The following C3orf20 variants were observed in gnomAD, a reference collection of about 807,000 sequenced individuals.
C3orf20 encodes the protein family with sequence similarity 149 member C.
In C3orf20, 76 loss-of-function variants were observed where a neutral mutation model predicts 88.3. That is an observed-to-expected ratio of 0.86 (90% CI 0.72 to 1.04). The LOEUF is 1.04. Ranked by LOEUF, C3orf20 falls within the 50% of genes least tolerant of loss-of-function variation. The pLI is 0.00. For synonymous variants in C3orf20, 436 were observed against 437.4 expected (o/e 1.00, Z 0.04); for missense variants, 1,056 against 1,123.3 (o/e 0.94, Z 0.86).
In C3orf20 at chr3:14,695,275, A is replaced by C. The variant is rs2124917471; in HGVS notation, c.745+5159A>C. Among the ~76,000 whole-genome samples the C allele has an allele frequency of 1.3e-5, 2 of 152,086 alleles. 1 individual carries two copies. Among genetic ancestry groups the C allele is most frequent in the Middle Eastern group, 6.8e-3 (2 of 292 alleles). On this transcript the variant is annotated intron_variant, in intron 5 of 16. Coordinates refer to ENST00000253697, the MANE Select transcript of C3orf20 (RefSeq NM_032137.5). ...TGGTCATTCAGGAGCATATTGTTTAATTTCCATGAATTTATATAGTTTCCA... is the reference window on the plus strand; with the variant it reads ...TGGTCATTCAGGAGCATATTGTTTACTTTCCATGAATTTATATAGTTTCCA...
At chr3:14,695,427 A>G (rs531068471) in intron 5 of C3orf20, among the ~76,000 whole-genome samples, 56 of 152,240 alleles carry the variant, frequency 3.7e-4, no homozygotes, top group Admixed American at 1.0e-3. Context: ...TCTAGCTTTG[A>G]AAATGACCCA....
intron 5 of C3orf20, among the ~76,000 whole-genome samples, chr3:14,693,729 T>G (rs183947463): frequency 6.6e-5 from 10 of 152,342 alleles, no homozygotes; most frequent in African/African-American, 2.4e-4. Flanking sequence ...AGTACTATAT[T>G]GAATAATGGT....
Position 14,772,072 on chromosome 3 carries a change from C to G in C3orf20, c.2501C>G (p.Pro834Arg). The change falls in exon 16 of 17, where the codon CCC becomes CGC. Residue 834 changes from proline (P) to arginine (R), a missense_variant. By Grantham distance (103) the Pro-to-Arg change is moderately radical. Coordinates refer to ENST00000253697, the MANE Select transcript of C3orf20 (RefSeq NM_032137.5). This position sits in a 1 kb window ranked among gnomAD's most constrained non-coding sequence, Gnocchi z 4.2. ...CGACCCTGCCTCCCCTGCAGTGTTC[C>G]CAACTCTGTCCTGAGCCTGGAGGAT... ...FLPDDYKFSVPNSVLSLEDSE... is the reference protein window; with the variant it reads ...FLPDDYKFSVRNSVLSLEDSE... The G allele has an allele frequency of 6.2e-7, 1 of 1,614,210 alleles. No homozygotes were observed. The highest frequency in any genetic ancestry group is 8.5e-7 in the Non-Finnish European group (1 of 1,180,024).
At chr3:14,726,785 A>AG (rs2034363991) in intron 10 of C3orf20, 116 bp from the exon 11 acceptor site, 6 of 1,404,862 alleles carry the variant, frequency 4.3e-6, no homozygotes, top group South Asian at 2.6e-5. Flanking sequence ...AGGTAGGGGT[A>AG]GGGGGGCAGG....
chr3:14,744,819 TGATTCAATTACCTCCCCACTG>T (rs2035015372), intron 12 of C3orf20, among the ~76,000 whole-genome samples: 1 of 152,136 alleles, frequency 6.6e-6, no homozygotes, highest in Admixed American at 6.5e-5. Context: ...CCAGCCCACG[TGATTCAATTACCTCCCCACTG>T]GGTCCCTCCC....
chr3:14,693,671 A>T (rs988210582), intron 5 of C3orf20, among the ~76,000 whole-genome samples: 1 of 152,122 alleles, frequency 6.6e-6, no homozygotes, highest in African/African-American at 2.4e-5. Flanking sequence ...TCCAATTTGG[A>T]TGCCCTTTAT....
In C3orf20 at chr3:14,751,912, T is replaced by A. The variant is rs1433948273; in HGVS notation, c.1941-5459T>A. Among the ~76,000 whole-genome samples, 16 of 152,324 alleles carry A rather than the reference T, an allele frequency of 1.1e-4. No homozygotes were observed. In the East Asian group the frequency reaches 2.9e-3, roughly 28 times the overall value. On this transcript the variant is annotated intron_variant, in intron 12 of 16. Coordinates refer to ENST00000253697, the MANE Select transcript of C3orf20 (RefSeq NM_032137.5). Reference sequence around the variant, plus strand: ...GTGAAAATGGCCATACTACCCAAGATAATTTATACATTCAATGCTATCCCC... The same window carrying A: ...GTGAAAATGGCCATACTACCCAAGAAAATTTATACATTCAATGCTATCCCC...
At chr3:14,690,445 G>T (rs540639391) in intron 5 of C3orf20, among the ~76,000 whole-genome samples, 20 of 152,282 alleles carry the variant, frequency 1.3e-4, no homozygotes, top group African/African-American at 4.8e-4. Flanking sequence ...CCAAACTCAC[G>T]CCTCTGCTCA....
intron 14 of C3orf20, 28 bp downstream of exon 14, chr3:14,760,026 T>G (rs761398209): frequency 6.5e-7 from 1 of 1,542,636 alleles, no homozygotes; most frequent in Non-Finnish European, 9.0e-7. Context: ...TGCTATCCAC[T>G]GCCTGCCACC....
rs1446308227 is a variant in C3orf20, at chr3:14,681,300, G to A, written c.-298-870G>A. ...CAGGCCATCCTGGAATGGCGAACTT[G>A]GGGTGGCTCCAGAGGGTTTGAAAAG... On this transcript the variant is annotated intron_variant, in intron 1 of 16. Coordinates refer to ENST00000253697, the MANE Select transcript of C3orf20 (RefSeq NM_032137.5). Among the ~76,000 whole-genome samples the A allele has an allele frequency of 2.6e-5, 4 of 152,234 alleles. No individual in the cohort carries two copies. The South Asian group carries it at 6.2e-4, about 24-fold the overall frequency.
chr3:14,721,695 A>T lies in C3orf20; in HGVS notation c.1477A>T (p.Ile493Phe). 6.2e-7 allele frequency: 1 copy of T among 1,614,206 alleles called. No individual in the cohort carries two copies. The highest frequency in any genetic ancestry group is 8.5e-7 in the Non-Finnish European group (1 of 1,180,012). The change falls in exon 10 of 17, where the codon ATC becomes TTC. Residue 493 changes from isoleucine to phenylalanine, a missense_variant. Coordinates refer to ENST00000253697, the MANE Select transcript of C3orf20 (RefSeq NM_032137.5). ...ACTAAAGGTACTGGGACAGGACTCC[A>T]TCACAGTCACCTTCACCTCCCTGAA... ...MKLKVLGQDS[I>F]TVTFTSLNET...
At chr3:14,688,708 C>G (rs923074282) in intron 4 of C3orf20, among the ~76,000 whole-genome samples, 50 of 151,818 alleles carry the variant, frequency 3.3e-4, no homozygotes, top group African/African-American at 1.2e-3. Flanking sequence ...AATAAAAATG[C>G]AAAAAAGAGG....
In C3orf20 at chr3:14,768,728, G is replaced by A. The variant is rs2035786876; in HGVS notation, c.2496-3339G>A. 6.6e-6 allele frequency among the ~76,000 whole-genome samples: 1 copy of A among 151,992 alleles called. No homozygotes were observed. Among genetic ancestry groups the A allele is most frequent in the African/African-American group, 2.4e-5 (1 of 41,310 alleles). ...TAGACCAGGGGCTCAGAAATAGTGG[G>A]CTAGCCGCAATACCATGGGGAGGTG... On this transcript the variant is annotated intron_variant, in intron 15 of 16. Coordinates refer to ENST00000253697, the MANE Select transcript of C3orf20 (RefSeq NM_032137.5). This position sits in a 1 kb window ranked among gnomAD's most constrained non-coding sequence, Gnocchi z 4.1.
intron 12 of C3orf20, among the ~76,000 whole-genome samples, chr3:14,735,143 A>G (rs952280186): frequency 6.6e-6 from 1 of 151,542 alleles, no homozygotes; most frequent in Non-Finnish European, 1.5e-5. Context: ...CAGTCTTTCA[A>G]TCTTTGTCTT....
intron 12 of C3orf20, among the ~76,000 whole-genome samples, chr3:14,753,127 G>A (rs554878390): frequency 7.9e-5 from 12 of 152,236 alleles, no homozygotes; most frequent in Non-Finnish European, 1.8e-4. Flanking sequence ...AGAAAATGTG[G>A]CACATATACA....
chr3:14,689,687 C>T (rs893123378), intron 4 of C3orf20, among the ~76,000 whole-genome samples: 3 of 151,926 alleles, frequency 2.0e-5, no homozygotes, highest in African/African-American at 7.3e-5. Context: ...CCTGGTGCAG[C>T]ACTGATACCT....
rs758059763 is a variant in C3orf20, at chr3:14,714,011, C to A, written c.1165C>A (p.Pro389Thr). Residue 389 changes from proline (P) to threonine (T), a missense_variant, in exon 8 of 17, where the codon CCC (proline) becomes ACC (threonine). Pro to Thr is a conservative substitution (Grantham distance 38). Transcript: ENST00000253697. ...FYDGSSFVYY[P>T]SGNVAVCQIP... ...CTACCTGAACATTTCTGCCAGCTAT[C>A]CCTCTGGAAACGTCGCTGTATGTCA... The A allele has an allele frequency of 1.2e-6, 2 of 1,614,054 alleles. No homozygotes were observed. The highest frequency in any genetic ancestry group is 1.1e-5 in the South Asian group (1 of 91,078).
In C3orf20 at chr3:14,722,510, T is replaced by C. The variant is rs759277388; in HGVS notation, c.1566+726T>C. 14 of 456,534 alleles carry C rather than the reference T, an allele frequency of 3.1e-5. No individual in the cohort carries two copies. In the East Asian group the frequency reaches 9.7e-4, roughly 32 times the overall value. 28.3% of individuals were successfully genotyped at this position (456,534 alleles called of 1,614,324 possible). A position where few individuals can be genotyped will look rare whatever the true frequency, so the allele number is the denominator to read the frequency against. Reference sequence around the variant, plus strand: ...TACCAGGAGAAGAAATGATGCTGAGTAGAAAACTACCAGTGCATGTTGATG... The same window carrying C: ...TACCAGGAGAAGAAATGATGCTGAGCAGAAAACTACCAGTGCATGTTGATG... On this transcript the variant is annotated intron_variant, in intron 10 of 16. Transcript: ENST00000253697.
chr3:14,676,448 CTTCT>C (rs1310138868), intron 1 of C3orf20, among the ~76,000 whole-genome samples: 1 of 152,140 alleles, frequency 6.6e-6, no homozygotes, highest in East Asian at 1.9e-4. Flanking sequence ...CCATTTGGTT[CTTCT>C]TTCTTTAACA....
Sources: gnomAD v4.1 joint callset for allele counts (sites outside exome capture counted in the v4.1 genomes callset) on GRCh38, gnomAD v4.1.1 for gene constraint, Gnocchi (gnomAD v3.1) non-coding constraint, MANE v1.5 for transcripts, NCBI Gene and HGNC (gene_info 2026-07-23, HGNC 2026-07-21) for gene names.